Variants in COL4A4 observed in about 807,000 individuals in gnomAD.
The protein encoded by COL4A4 is collagen alpha-4(IV) chain.
COL4A4 carries 105 observed loss-of-function variants against 192.9 expected under a neutral mutation model. That is an observed-to-expected ratio of 0.54 (90% CI 0.46 to 0.64). The LOEUF is 0.64. Ranked by LOEUF, COL4A4 falls within the 30% of genes least tolerant of loss-of-function variation. The pLI is 0.00. For synonymous variants in COL4A4, 762 were observed against 769.9 expected, an observed-to-expected ratio of 0.99 and a Z score of 0.17; for missense variants, 1,967 against 2,169.3, an observed-to-expected ratio of 0.91 and a Z score of 1.85.
chr2:227,120,968 T>C (rs908746514), intron 5 of COL4A4, 46 bp downstream of exon 5: 4 of 1,613,052 alleles, frequency 2.5e-6, no homozygotes, highest in Non-Finnish European at 3.4e-6. Flanking sequence ...GGTGCAGTAG[T>C]GCTGGTGAGT....
the COL4A4 span, among the ~76,000 whole-genome samples, chr2:226,975,139 T>C: frequency 1.3e-5 from 2 of 152,188 alleles, no homozygotes; most frequent in African/African-American, 4.8e-5. Flanking sequence ...TGAGCTCTCC[T>C]AGGGCCTCCC....
chr2:227,091,844 CA>C (rs1423105715), intron 20 of COL4A4, among the ~76,000 whole-genome samples: 1 of 151,360 alleles, frequency 6.6e-6, no homozygotes, highest in African/African-American at 2.4e-5. Context: ...TGCAGTGAAC[CA>C]AGATTGCATC....
At chr2:227,142,994 C>A (rs1450527605) in intron 3 of COL4A4, among the ~76,000 whole-genome samples, 1 of 148,168 alleles carries the variant, frequency 6.7e-6, no homozygotes, top group East Asian at 1.9e-4. Flanking sequence ...CATACAATGA[C>A]CTCATTCACA....
At chr2:227,133,853 G>A (rs1200573950) in intron 4 of COL4A4, among the ~76,000 whole-genome samples, 5 of 150,294 alleles carry the variant, frequency 3.3e-5, no homozygotes, top group Non-Finnish European at 5.9e-5. Context: ...ATAGCGCCAC[G>A]ACACTCCAGC....
intron 47 of COL4A4, 50 bp downstream of exon 47, chr2:227,007,968 G>A: frequency 6.3e-7 from 1 of 1,589,410 alleles, no homozygotes; most frequent in East Asian, 2.2e-5. Flanking sequence ...GCGGGAGAAG[G>A]TGTTAGGAAA....
Position 227,060,121 on chromosome 2 carries a change from A to AAAAAAAAAAAC in COL4A4, c.2164+14_2164+15insGTTTTTTTTTT. On this transcript the variant is annotated intron_variant, in intron 27 of 47. Coordinates refer to ENST00000396625, the MANE Select transcript of COL4A4 (RefSeq NM_000092.5). The stretch of plus-strand genomic sequence containing the variant: ...AAGCAGAAAAAAAAAAAAAAAAAAA[A>AAAAAAAAAAAC]AAAACCTCACTGACCAGGTGGACCT... The AAAAAAAAAAAC allele has an allele frequency of 7.1e-7, 1 of 1,415,244 alleles. No homozygotes were observed. Among genetic ancestry groups the AAAAAAAAAAAC allele is most frequent in the Non-Finnish European group, 9.7e-7 (1 of 1,030,036 alleles). 87.7% of individuals were successfully genotyped at this position (1,415,244 alleles called of 1,614,324 possible). A position where few individuals can be genotyped will look rare whatever the true frequency, so the allele number is the denominator to read the frequency against.
chr2:227,083,023 G>A (rs2059404926), intron 22 of COL4A4, among the ~76,000 whole-genome samples: 2 of 152,166 alleles, frequency 1.3e-5, no homozygotes, highest in Non-Finnish European at 2.9e-5. Flanking sequence ...GAGGCCAAGA[G>A]TTCGAGACTA....
At chr2:226,970,034 A>G in the COL4A4 span, among the ~76,000 whole-genome samples, 1 of 121,298 alleles carries the variant, frequency 8.2e-6, no homozygotes, top group South Asian at 2.9e-4. Flanking sequence ...GCTGCTTTTA[A>G]CCTGGTCACA....
In COL4A4 at chr2:227,057,506, A is replaced by G; in HGVS notation, c.2478T>C (p.His826=). The G allele has an allele frequency of 6.2e-7, 1 of 1,613,462 alleles. No homozygotes were observed. The change falls in exon 29 of 48, where the codon CAT becomes CAC. Residue 826 remains histidine (H), a synonymous_variant. Transcript: ENST00000396625. The stretch of plus-strand genomic sequence containing the variant: ...TCCCTGGAGCACCTCTTTCACAGGA[A>G]TGGCCAGGTGGACCTGGGACACCTG... The part of the protein sequence containing the change: ...GFPGVPGPPG[H]SCERGAPGIP...
At chr2:227,088,391 C>A (rs1216711492) in intron 22 of COL4A4, among the ~76,000 whole-genome samples, 1 of 152,060 alleles carries the variant, frequency 6.6e-6, no homozygotes, top group Non-Finnish European at 1.5e-5. Flanking sequence ...TGAGTGAGTT[C>A]TCATGAGATC....
At chr2:227,073,171 T>C (rs2150415787) in intron 25 of COL4A4, among the ~76,000 whole-genome samples, 1 of 152,210 alleles carries the variant, frequency 6.6e-6, no homozygotes, top group East Asian at 1.9e-4. Context: ...AAAATACTCT[T>C]AGATATGATA....
At chr2:227,098,150 GT>G (rs991733669) in intron 19 of COL4A4, among the ~76,000 whole-genome samples, 5 of 152,148 alleles carry the variant, frequency 3.3e-5, no homozygotes, top group African/African-American at 1.2e-4. Flanking sequence ...ATGAATGAAA[GT>G]TTTTTTAATC....
At chr2:227,098,862 A>AATTACTT in intron 18 of COL4A4, 64 bp from the exon 19 acceptor site, 2 of 1,363,938 alleles carry the variant, frequency 1.5e-6, no homozygotes, top group East Asian at 4.6e-5. Context: ...TTAAGACAAC[A>AATTACTT]ATTACTTTTT....
rs397973979 is a variant in COL4A4, at chr2:227,156,491, GA to G, written c.-102+7515del. 2.9e-3 allele frequency among the ~76,000 whole-genome samples: 421 copies of G among 146,646 alleles called. 5 individuals are homozygous for G. Among genetic ancestry groups the G allele is most frequent in the African/African-American group, 9.5e-3 (382 of 40,230 alleles). ...GAAGGAAGGAAGATCTCGGGAAATG[GA>G]AAAAAAAAATAGGAATAAGCTATGA... On this transcript the variant is annotated intron_variant, in intron 1 of 47. Coordinates refer to ENST00000396625, the MANE Select transcript of COL4A4 (RefSeq NM_000092.5).
chr2:226,971,373 T>C, the COL4A4 span, among the ~76,000 whole-genome samples: 1 of 152,212 alleles, frequency 6.6e-6, no homozygotes, highest in Admixed American at 6.5e-5. Context: ...CTTAGCGGGC[T>C]CATTTCCTTT....
At position 227,008,281 on chromosome 2, in the gene COL4A4, C is replaced by A; in HGVS notation, c.4546G>T (p.Val1516Leu). Residue 1516 changes from valine (V) to leucine (L), a missense_variant, in exon 47 of 48, where the codon GTA (valine) becomes TTA (leucine). By Grantham distance (32) the Val-to-Leu change is conservative. Coordinates refer to ENST00000396625, the MANE Select transcript of COL4A4 (RefSeq NM_000092.5). ...TAGGCAAAGGGCAGCGTGCTAAATA[C>A]GGGAAGGCAAGACCCTGCCAGACCT... ...DLGLAGSCLPVFSTLPFAYCN... is the reference protein window; with the variant it reads ...DLGLAGSCLPLFSTLPFAYCN... The A allele has an allele frequency of 6.2e-7, 1 of 1,614,198 alleles. No individual in the cohort carries two copies. Among genetic ancestry groups the A allele is most frequent in the Non-Finnish European group, 8.5e-7 (1 of 1,179,996 alleles).
intron 44 of COL4A4, among the ~76,000 whole-genome samples, chr2:227,015,090 A>G (rs1162909309): frequency 6.6e-6 from 1 of 151,812 alleles, no homozygotes; most frequent in Non-Finnish European, 1.5e-5. Flanking sequence ...TAGTAGAGAC[A>G]GGGTTTCACC....
the COL4A4 span, among the ~76,000 whole-genome samples, chr2:226,972,829 T>G: frequency 1.3e-4 from 20 of 151,866 alleles, no homozygotes; most frequent in Non-Finnish European, 2.4e-4. Context: ...TGTCAGTTTT[T>G]GGTTGGGTTA....
chr2:227,068,594 T>C lies in COL4A4; in HGVS notation c.1988-5996A>G, dbSNP rs1312050392. ...GAATCAATAAATGTAATCCAGCATA[T>C]AAACAGAACCAAAGACAAAAACCAC... On this transcript the variant is annotated intron_variant, in intron 25 of 47. Coordinates refer to ENST00000396625, the MANE Select transcript of COL4A4 (RefSeq NM_000092.5). 2.0e-5 allele frequency among the ~76,000 whole-genome samples: 3 copies of C among 152,190 alleles called. No individual in the cohort carries two copies. The South Asian group carries it at 6.2e-4, about 31-fold the overall frequency.
Sources: gnomAD v4.1 joint callset for allele counts (sites outside exome capture counted in the v4.1 genomes callset) on GRCh38, gnomAD v4.1.1 for gene constraint, MANE v1.5 for transcripts, NCBI Gene and HGNC (gene_info 2026-07-23, HGNC 2026-07-21) for gene names.